MYO10: variants seen among roughly 807,000 people sequenced by gnomAD.
The protein encoded by MYO10 is myosin X, also known as unconventional myosin-X.
A neutral mutation model predicts 257.3 loss-of-function variants in MYO10; 133 were observed. The ratio of observed to expected loss-of-function variants is 0.52; its 90% confidence interval spans 0.45 to 0.60. MYO10 has a LOEUF of 0.60. MYO10 is among the 20% of genes least tolerant of loss of function. MYO10 has a pLI of 0.00. For missense variants in MYO10, 2,399 were observed against 2,635.7 expected (o/e 0.91, Z 1.97); for synonymous variants, 1,104 against 1,028.6 (o/e 1.07, Z -1.40).
chr5:16,722,629 CA>C (rs1739194705), intron 19 of MYO10, among the ~76,000 whole-genome samples: 1 of 152,176 alleles, frequency 6.6e-6, no homozygotes, highest in Admixed American at 6.5e-5. Flanking sequence ...AATAATTGGA[CA>C]GCAATATGCA....
At chr5:16,825,857 A>T (rs1003602270) in intron 2 of MYO10, among the ~76,000 whole-genome samples, 3 of 151,588 alleles carry the variant, frequency 2.0e-5, no homozygotes, top group Non-Finnish European at 4.4e-5. Flanking sequence ...TCAAAAAACA[A>T]AACCAGGCCG....
chr5:16,730,734 T>C (rs1271746833), intron 19 of MYO10, among the ~76,000 whole-genome samples: 1 of 152,108 alleles, frequency 6.6e-6, no homozygotes, highest in Non-Finnish European at 1.5e-5. Flanking sequence ...GGGGGCCACA[T>C]CTGAAGCAGC....
intron 2 of MYO10, chr5:16,854,196 A>T (rs927776771): frequency 6.6e-6 from 1 of 152,204 alleles, no homozygotes; most frequent in Non-Finnish European, 1.5e-5. Flanking sequence ...TATCACTCTT[A>T]CTTTTAGAAA....
chr5:16,747,768 A>T (rs932569147), intron 19 of MYO10, among the ~76,000 whole-genome samples: 4 of 151,878 alleles, frequency 2.6e-5, no homozygotes, highest in Non-Finnish European at 4.4e-5. Context: ...AAATACAAAA[A>T]ATTAGCCGTG....
At chr5:16,891,987 G>T (rs1745073760) in intron 1 of MYO10, among the ~76,000 whole-genome samples, 1 of 152,256 alleles carries the variant, frequency 6.6e-6, no homozygotes, top group Non-Finnish European at 1.5e-5. Flanking sequence ...GCTTTGACTA[G>T]TATTTACATC....
chr5:16,724,164 G>A (rs964772850), intron 19 of MYO10, among the ~76,000 whole-genome samples: 4 of 152,172 alleles, frequency 2.6e-5, no homozygotes, highest in East Asian at 1.9e-4. Flanking sequence ...GGGAAAAGAC[G>A]CTGACTTAAA....
chr5:16,754,327 T>C (rs1228156577), intron 19 of MYO10, among the ~76,000 whole-genome samples: 1 of 152,160 alleles, frequency 6.6e-6, no homozygotes, highest in Non-Finnish European at 1.5e-5. Flanking sequence ...TTAATACTTA[T>C]GACAACCTTT....
At chr5:16,691,502 C>T (rs1398632389) in intron 27 of MYO10, among the ~76,000 whole-genome samples, 2 of 151,888 alleles carry the variant, frequency 1.3e-5, no homozygotes, top group Non-Finnish European at 2.9e-5. Flanking sequence ...AGTTTGAGAC[C>T]AGCCTGGCCA....
In MYO10 at chr5:16,701,080, G is replaced by A; in HGVS notation, c.3315C>T (p.Ser1105=). 1 of 1,578,412 alleles carries A rather than the reference G, an allele frequency of 6.3e-7. No homozygotes were observed. Among genetic ancestry groups the A allele is most frequent in the Non-Finnish European group, 8.6e-7 (1 of 1,162,846 alleles). ...CGTAGGAGTTGGAGAAGGTCACGCT[G>A]CTGCCGGAAGTGATGGCACCGTCCT... is the stretch of plus-strand genomic sequence containing the variant. The part of the protein sequence containing the change: ...DYEDGAITSG[S]SVTFSNSYGS... The change falls in exon 25 of 41, where the codon AGC becomes AGT. Residue 1105 remains serine (S), a synonymous_variant. Transcript: ENST00000513610. This position sits in a 1 kb window ranked among gnomAD's most constrained non-coding sequence, Gnocchi z 8.1.
intron 19 of MYO10, among the ~76,000 whole-genome samples, chr5:16,719,672 T>C (rs1739060217): frequency 6.6e-6 from 1 of 152,154 alleles, no homozygotes; most frequent in Non-Finnish European, 1.5e-5. Flanking sequence ...CAACTAAAAA[T>C]ATTTATTTGG....
intron 28 of MYO10, among the ~76,000 whole-genome samples, chr5:16,689,313 C>T (rs1405807081): frequency 5.3e-5 from 8 of 152,054 alleles, no homozygotes; most frequent in Admixed American, 5.2e-4. Context: ...ACTTTTGCAC[C>T]AAGCTAATAG....
intron 19 of MYO10, among the ~76,000 whole-genome samples, chr5:16,731,283 G>A (rs1739571841): frequency 6.7e-6 from 1 of 149,836 alleles, no homozygotes; most frequent in South Asian, 2.1e-4. Flanking sequence ...GACCTCATGA[G>A]CCACCCACCT....
chr5:16,679,862 C>A, intron 33 of MYO10, 85 bp downstream of exon 33: 1 of 1,487,686 alleles, frequency 6.7e-7, no homozygotes, highest in Admixed American at 2.3e-5. Flanking sequence ...AAAAACTGAG[C>A]TTCACTAATG....
In MYO10 at chr5:16,877,808, ATCT is replaced by A. The variant is rs141899980; in HGVS notation, c.22-104_22-102del. Reference sequence around the variant, plus strand: ...TAACTCCTATATTCCTTTAAAAAAAATCTTCTTGAAAAGTAAATGTCTTTCTCA... The same window carrying A: ...TAACTCCTATATTCCTTTAAAAAAAATCTTGAAAAGTAAATGTCTTTCTCA... On this transcript the variant is annotated intron_variant, in intron 1 of 40. Coordinates refer to ENST00000513610, the MANE Select transcript of MYO10 (RefSeq NM_012334.3). 2.2e-3 allele frequency: 1,899 copies of A among 852,136 alleles called. 28 individuals carry two copies. The African/African-American group carries it at 0.028, about 13-fold the overall frequency. The allele number at this position is 852,136 out of a possible 1,614,324, so 52.8% of individuals were successfully genotyped here. A position where few individuals can be genotyped will look rare whatever the true frequency, so the allele number is the denominator to read the frequency against.
At chr5:16,877,090 C>T (rs1386892289) in intron 2 of MYO10, among the ~76,000 whole-genome samples, 1 of 152,134 alleles carries the variant, frequency 6.6e-6, no homozygotes, top group Non-Finnish European at 1.5e-5. Context: ...CACACAACTG[C>T]CAGCATCTTG....
intron 19 of MYO10, among the ~76,000 whole-genome samples, chr5:16,719,982 G>GTGCA (rs1480411709): frequency 9.6e-6 from 1 of 103,728 alleles, no homozygotes; most frequent in Non-Finnish European, 1.8e-5. Context: ...ATAAATGTGT[G>GTGCA]TGCGTGCGTG....
intron 4 of MYO10, among the ~76,000 whole-genome samples, chr5:16,793,715 A>AGGTCGG (rs1741840845): frequency 1.3e-5 from 2 of 152,144 alleles, no homozygotes; most frequent in Admixed American, 1.3e-4. Context: ...GGATCACCTG[A>AGGTCGG]GGTCGGGAGT....
chr5:16,878,967 C>T (rs549925233), intron 1 of MYO10, among the ~76,000 whole-genome samples: 1 of 151,086 alleles, frequency 6.6e-6, no homozygotes, highest in South Asian at 2.1e-4. Flanking sequence ...ACCTGTCCCC[C>T]CAAAAACTAA....
chr5:16,817,069 C>G (rs1265467196), intron 3 of MYO10, among the ~76,000 whole-genome samples: 2 of 152,154 alleles, frequency 1.3e-5, no homozygotes, highest in Non-Finnish European at 2.9e-5. Flanking sequence ...CCGCCCACCT[C>G]GGCCTCACAA....
Sources: allele counts gnomAD v4.1 joint callset (sites outside exome capture counted in the v4.1 genomes callset), GRCh38; gene constraint gnomAD v4.1.1; non-coding constraint Gnocchi (gnomAD v3.1); transcripts MANE v1.5; gene names NCBI Gene and HGNC (gene_info 2026-07-23, HGNC 2026-07-21).